TENM4: variants seen among roughly 807,000 people sequenced by gnomAD.
TENM4 encodes teneurin transmembrane protein 4, also known as teneurin-4.
A neutral mutation model predicts 243.3 loss-of-function variants in TENM4; 82 were observed. That is an observed-to-expected ratio of 0.34 (90% CI 0.28 to 0.40). The LOEUF is 0.40. Among genes scored for constraint, TENM4 ranks in the 10% least tolerant of loss-of-function variants. TENM4 has a pLI of 1.00. For synonymous variants in TENM4, 1,412 were observed against 1,456.3 expected (o/e 0.97, Z 0.69); for missense variants, 3,138 against 3,673.3 (o/e 0.85, Z 3.77).
intron 12 of TENM4, among the ~76,000 whole-genome samples, chr11:78,852,191 T>A (rs1054737065): frequency 5.9e-5 from 9 of 152,232 alleles, no homozygotes; most frequent in Non-Finnish European, 1.3e-4. Flanking sequence ...TACAAAGTGA[T>A]AATTTCTACA....
At chr11:78,933,440 G>A (rs1347422187) in intron 6 of TENM4, among the ~76,000 whole-genome samples, 1 of 152,096 alleles carries the variant, frequency 6.6e-6, no homozygotes, top group East Asian at 1.9e-4. Context: ...CTCAATTAAG[G>A]CATAATTAAA....
chr11:79,054,748 C>G (rs1017970052), intron 6 of TENM4, among the ~76,000 whole-genome samples: 1 of 152,042 alleles, frequency 6.6e-6, no homozygotes, highest in Non-Finnish European at 1.5e-5. Context: ...GCTTGGCCCC[C>G]AGTTACCATC....
chr11:78,914,358 A>G (rs935717063), intron 6 of TENM4, among the ~76,000 whole-genome samples: 2 of 152,182 alleles, frequency 1.3e-5, no homozygotes, highest in Non-Finnish European at 2.9e-5. Context: ...GGGTGGGAGA[A>G]GGAGTAAATC....
Position 78,729,559 on chromosome 11 carries a change from G to A in TENM4, c.3223C>T (p.Leu1075=), listed in dbSNP as rs1855602531. 6.2e-7 allele frequency: 1 copy of A among 1,613,870 alleles called. No homozygotes were observed. Among genetic ancestry groups the A allele is most frequent in the African/African-American group, 1.3e-5 (1 of 74,916 alleles). ...SSRTPGYKSV[L]RISLTHPTIP... is the part of the protein sequence containing the mutation. ...GTCGGGTGGGTGAGGCTGATCCTCA[G>A]GACAGATTTGTAGCCAGGGGTCCGG... Residue 1075 remains leucine (L), a synonymous_variant, in exon 22 of 34, where the codon CTG becomes TTG. Coordinates refer to ENST00000278550, the MANE Select transcript of TENM4 (RefSeq NM_001098816.3).
rs184223215 is a variant in TENM4, at chr11:78,953,450, A to C, written c.494-49927T>G. 3.3e-5 allele frequency among the ~76,000 whole-genome samples: 5 copies of C among 152,320 alleles called. No homozygotes were observed. In the East Asian group the frequency reaches 9.7e-4, roughly 29 times the overall value. On this transcript the variant is annotated intron_variant, in intron 6 of 33. Transcript: ENST00000278550. ...TTTGGGGTCCAGAAAGGGAATAAGG[A>C]AACTGACATTCACTGGGCATCTATT...
intron 12 of TENM4, among the ~76,000 whole-genome samples, chr11:78,844,909 T>C (rs1858355542): frequency 6.6e-6 from 1 of 152,238 alleles, no homozygotes; most frequent in Non-Finnish European, 1.5e-5. Flanking sequence ...TTATTTCTTC[T>C]TTTTAGGGTG....
chr11:78,853,457 G>C (rs1858592662), intron 12 of TENM4, among the ~76,000 whole-genome samples: 1 of 152,198 alleles, frequency 6.6e-6, no homozygotes, highest in Non-Finnish European at 1.5e-5. Flanking sequence ...CAGGGGCTCA[G>C]GGTGAACTGG....
rs190069365 is a variant in TENM4 at position 79,111,444 on chromosome 11, C to T, written c.-66+37266G>A. Among the ~76,000 whole-genome samples the T allele has an allele frequency of 9.2e-5, 14 of 152,178 alleles. No homozygotes were observed. In the East Asian group the frequency reaches 2.7e-3, roughly 29 times the overall value. On this transcript the variant is annotated intron_variant, in intron 4 of 33. Coordinates refer to ENST00000278550, the MANE Select transcript of TENM4 (RefSeq NM_001098816.3). ...CCTGTAGTCTCAGCTACTTGGGAGGCTGAGGCAGGAGAATGGTGTGAACCC... is the reference window on the plus strand; with the variant it reads ...CCTGTAGTCTCAGCTACTTGGGAGGTTGAGGCAGGAGAATGGTGTGAACCC...
intron 1 of TENM4, among the ~76,000 whole-genome samples, chr11:79,380,680 T>A (rs1857982885): frequency 6.6e-6 from 1 of 152,184 alleles, no homozygotes; most frequent in African/African-American, 2.4e-5. Context: ...CCCAAATGTG[T>A]TTAATCACAG....
chr11:79,170,288 C>T (rs1441552454), intron 3 of TENM4, among the ~76,000 whole-genome samples: 32 of 152,164 alleles, frequency 2.1e-4, no homozygotes, highest in Admixed American at 2.1e-3. Flanking sequence ...GACAGCTTGC[C>T]ATGGGCCAGC....
chr11:78,894,418 T>TA (rs1855741516), intron 7 of TENM4, among the ~76,000 whole-genome samples: 1 of 152,214 alleles, frequency 6.6e-6, no homozygotes, highest in South Asian at 2.1e-4. Flanking sequence ...ATCAAAATGT[T>TA]AGCAGTAAGG....
At chr11:79,196,436 T>G (rs1427393186) in intron 3 of TENM4, among the ~76,000 whole-genome samples, 4 of 152,078 alleles carry the variant, frequency 2.6e-5, no homozygotes, top group Non-Finnish European at 5.9e-5. Context: ...GTCCACAGCC[T>G]CAGCCTCAGC....
At chr11:79,340,644 C>T (rs1857226893) in intron 1 of TENM4, among the ~76,000 whole-genome samples, 2 of 152,160 alleles carry the variant, frequency 1.3e-5, no homozygotes, top group Non-Finnish European at 2.9e-5. Context: ...TTGCCATGAA[C>T]TCCTTACCTT....
At chr11:79,024,473 C>T (rs565162638) in intron 6 of TENM4, among the ~76,000 whole-genome samples, 1 of 152,300 alleles carries the variant, frequency 6.6e-6, no homozygotes, top group African/African-American at 2.4e-5. Context: ...GAAAACACAT[C>T]TCTGGAGTAA....
At chr11:79,027,071 G>A (rs770426877) in intron 6 of TENM4, among the ~76,000 whole-genome samples, 5 of 152,180 alleles carry the variant, frequency 3.3e-5, no homozygotes, top group South Asian at 2.1e-4. Flanking sequence ...AGTGCTGAGC[G>A]TGGAGGCAGA....
intron 1 of TENM4, among the ~76,000 whole-genome samples, chr11:79,361,130 G>C (rs748412448): frequency 6.6e-6 from 1 of 152,126 alleles, no homozygotes; most frequent in Admixed American, 6.5e-5. Flanking sequence ...GAATGACATG[G>C]GTGAAGGTAT....
chr11:79,298,083 T>C (rs1350114380), intron 1 of TENM4, among the ~76,000 whole-genome samples: 1 of 152,176 alleles, frequency 6.6e-6, no homozygotes, highest in Non-Finnish European at 1.5e-5. Context: ...CCTTATTAAC[T>C]CATTTTCCTT....
chr11:79,228,434 C>T (rs1382786294), intron 2 of TENM4, among the ~76,000 whole-genome samples: 1 of 152,182 alleles, frequency 6.6e-6, no homozygotes, highest in Non-Finnish European at 1.5e-5. Context: ...CCGCATGCCT[C>T]ACCTCCCGGG....
At chr11:79,130,942 A>G (rs1861991129) in intron 4 of TENM4, among the ~76,000 whole-genome samples, 1 of 152,348 alleles carries the variant, frequency 6.6e-6, no homozygotes, top group South Asian at 2.1e-4. Context: ...CAGAGCATGA[A>G]GACAAGGTCT....
Sources: gnomAD v4.1 joint callset for allele counts (sites outside exome capture counted in the v4.1 genomes callset) on GRCh38, gnomAD v4.1.1 for gene constraint, MANE v1.5 for transcripts, NCBI Gene and HGNC (gene_info 2026-07-23, HGNC 2026-07-21) for gene names.